The following SETD7 variants were observed in gnomAD, a reference collection of about 807,000 sequenced individuals.
SETD7 encodes the protein SET domain containing 7, histone lysine methyltransferase, also known as histone-lysine N-methyltransferase SETD7.
A neutral mutation model predicts 41.8 loss-of-function variants in SETD7; 16 were observed. That is an observed-to-expected ratio of 0.38 (90% CI 0.26 to 0.58). SETD7 has a LOEUF of 0.58. SETD7 is among the 20% of genes least tolerant of loss of function. The probability of loss-of-function intolerance (pLI) is 0.64; values close to 1 mark genes in which losing one functional copy is unlikely to be tolerated. For synonymous variants in SETD7, 163 were observed against 169.7 expected (o/e 0.96, Z 0.31); for missense variants, 346 against 459.7 (o/e 0.75, Z 2.26).
At chr4:139,503,869 C>T (rs1726642218), downstream of SETD7, among the ~76,000 whole-genome samples, 2 of 152,186 alleles carry the variant, frequency 1.3e-5, no homozygotes, top group South Asian at 4.1e-4. Context: ...CCCCTGTAGC[C>T]ATTGCCAGTG....
At chr4:139,530,825 C>T (rs1727464166) in intron 3 of SETD7, among the ~76,000 whole-genome samples, 1 of 152,022 alleles carries the variant, frequency 6.6e-6, no homozygotes, top group African/African-American at 2.4e-5. Context: ...ATATGAAAAA[C>T]TTTTTCGAGG....
chr4:139,550,559 C>T (rs375659721), intron 1 of SETD7, among the ~76,000 whole-genome samples: 2 of 152,096 alleles, frequency 1.3e-5, no homozygotes, highest in East Asian at 3.9e-4. Context: ...CAGCCACAAC[C>T]AAAACAATAA....
chr4:139,501,182 C>T (rs1726568270), downstream of SETD7, among the ~76,000 whole-genome samples: 1 of 152,176 alleles, frequency 6.6e-6, no homozygotes, highest in Non-Finnish European at 1.5e-5. Flanking sequence ...CACTAAAATG[C>T]AAGCTCCACA....
At chr4:139,529,797 G>A (rs1727431759) in intron 3 of SETD7, among the ~76,000 whole-genome samples, 1 of 152,154 alleles carries the variant, frequency 6.6e-6, no homozygotes, top group African/African-American at 2.4e-5. Context: ...CAAACAAAAG[G>A]ATGTCTGGAC....
In SETD7 at chr4:139,542,862, C is replaced by G. The variant is rs139982348; in HGVS notation, c.170+4058G>C. On this transcript the variant is annotated intron_variant, in intron 2 of 7. Transcript: ENST00000274031. ...ATCTCATTCGATGTCAAGGGAAACACTGATTCTATAATTTTCTTGATATGT... is the reference window on the plus strand; with the variant it reads ...ATCTCATTCGATGTCAAGGGAAACAGTGATTCTATAATTTTCTTGATATGT... Among the ~76,000 whole-genome samples the G allele has an allele frequency of 1.8e-4, 28 of 152,290 alleles. No homozygotes were observed. The East Asian group carries it at 5.2e-3, about 28-fold the overall frequency.
intron 5 of SETD7, among the ~76,000 whole-genome samples, chr4:139,521,615 T>C (rs1727182664): frequency 6.6e-6 from 1 of 152,172 alleles, no homozygotes; most frequent in Non-Finnish European, 1.5e-5. Flanking sequence ...ATTATATACA[T>C]CCTGCCACTT....
chr4:139,505,189 C>T (rs942331663), downstream of SETD7, among the ~76,000 whole-genome samples: 2 of 152,136 alleles, frequency 1.3e-5, no homozygotes, highest in Admixed American at 1.3e-4. Context: ...CCTCGTGTAG[C>T]CCTGCCAAAC....
At chr4:139,499,490 G>A (rs566184023) in intron 7 of SETD7, among the ~76,000 whole-genome samples, 1 of 152,252 alleles carries the variant, frequency 6.6e-6, no homozygotes, top group South Asian at 2.1e-4. Flanking sequence ...TGAAGAATCG[G>A]TCTTTGAGAT....
At chr4:139,544,362 GA>G (rs371452781) in intron 2 of SETD7, among the ~76,000 whole-genome samples, 3,690 of 147,986 alleles carry the variant, frequency 0.025, 72 homozygotes, top group African/African-American at 0.058. Context: ...GCCTCAAAAG[GA>G]AAAAAAAAAT....
chr4:139,551,642 G>GCTGACCTCTCTTCCTCTTC (rs1728113446), intron 1 of SETD7, among the ~76,000 whole-genome samples: 1 of 152,172 alleles, frequency 6.6e-6, no homozygotes, highest in African/African-American at 2.4e-5. Context: ...AGAGATCTGA[G>GCTGACCTCTCTTCCTCTTC]AGTGGCGTGT....
chr4:139,542,115 T>C (rs938731803), intron 2 of SETD7, among the ~76,000 whole-genome samples: 5 of 152,330 alleles, frequency 3.3e-5, no homozygotes, highest in African/African-American at 1.2e-4. Flanking sequence ...GAGGACATCA[T>C]GTAAAGTGAA....
rs1726731321 is a variant in SETD7, at chr4:139,507,322, T to A, written c.*4341A>T. The A allele has an allele frequency of 6.5e-6, 1 of 152,678 alleles. No individual in the cohort carries two copies. The allele number at this position is 152,678 out of a possible 1,614,324, so 9.5% of individuals were successfully genotyped here. On this transcript the variant is annotated 3_prime_UTR_variant, in exon 8 of 8. Transcript: ENST00000274031. Reference sequence around the variant, plus strand: ...AGGTGAACACACCTCCATTAGCACCTAACTTCCACCAGGAAGCGGCTGAGG... The same window carrying A: ...AGGTGAACACACCTCCATTAGCACCAAACTTCCACCAGGAAGCGGCTGAGG...
chr4:139,516,813 A>C (rs1727039436), intron 7 of SETD7, among the ~76,000 whole-genome samples: 1 of 152,206 alleles, frequency 6.6e-6, no homozygotes, highest in African/African-American at 2.4e-5. Flanking sequence ...AAAATTCGGC[A>C]ACCATCACCA....
chr4:139,520,802 G>A (rs2111134662), intron 5 of SETD7, among the ~76,000 whole-genome samples: 2 of 152,286 alleles, frequency 1.3e-5, no homozygotes, highest in Middle Eastern at 6.8e-3. Flanking sequence ...AGGGAAAGGA[G>A]GCTGTTTTAG....
At chr4:139,504,214 A>G (rs1388051958), downstream of SETD7, among the ~76,000 whole-genome samples, 1 of 152,248 alleles carries the variant, frequency 6.6e-6, no homozygotes, top group Admixed American at 6.5e-5. Context: ...AAAATTTGGT[A>G]GCAATCTAGA....
At chr4:139,547,582 C>T (rs1727999854) in intron 1 of SETD7, among the ~76,000 whole-genome samples, 1 of 152,194 alleles carries the variant, frequency 6.6e-6, no homozygotes, top group Non-Finnish European at 1.5e-5. Context: ...ATGTGGAGGA[C>T]TGCTAGCCAG....
chr4:139,502,521 T>G (rs939668912), downstream of SETD7, among the ~76,000 whole-genome samples: 10 of 151,988 alleles, frequency 6.6e-5, no homozygotes, highest in African/African-American at 2.4e-4. Flanking sequence ...GGGGTGGGTG[T>G]GGGTGGAGCA....
chr4:139,499,811 G>A (rs948379267), intron 7 of SETD7, among the ~76,000 whole-genome samples: 1 of 151,954 alleles, frequency 6.6e-6, no homozygotes. Flanking sequence ...TTTGTTTTCA[G>A]GGCAGTGGGC....
At chr4:139,548,402 G>A (rs1229029835) in intron 1 of SETD7, among the ~76,000 whole-genome samples, 1 of 152,174 alleles carries the variant, frequency 6.6e-6, no homozygotes, top group Non-Finnish European at 1.5e-5. Context: ...AGGCTGAGGT[G>A]GGTGGATCAC....
Sources: allele counts gnomAD v4.1 joint callset (sites outside exome capture counted in the v4.1 genomes callset), GRCh38; gene constraint gnomAD v4.1.1; transcripts MANE v1.5; gene names NCBI Gene and HGNC (gene_info 2026-07-23, HGNC 2026-07-21).